DHCR24: variants seen among roughly 807,000 people sequenced by gnomAD.
The protein encoded by DHCR24 is 24-dehydrocholesterol reductase.
A neutral mutation model predicts 61.2 loss-of-function variants in DHCR24; 28 were observed. The observed-to-expected ratio is 0.46, with a 90% CI of 0.34 to 0.63. DHCR24 has a LOEUF of 0.63. Ranked by LOEUF, DHCR24 falls within the 20% of genes least tolerant of loss-of-function variation. The pLI is 0.01. For missense variants in DHCR24, 538 were observed against 679.1 expected (o/e 0.79, Z 2.31); for synonymous variants, 261 against 275.9 (o/e 0.95, Z 0.54).
chr1:54,876,862 GACA>G (rs1300176558), intron 2 of DHCR24, among the ~76,000 whole-genome samples: 2 of 151,764 alleles, frequency 1.3e-5, no homozygotes, highest in Non-Finnish European at 2.9e-5. Context: ...AGTACGTCCT[GACA>G]ACATGTGCCC....
At chr1:54,873,318 C>T (rs1043153399) in intron 4 of DHCR24, among the ~76,000 whole-genome samples, 1 of 152,114 alleles carries the variant, frequency 6.6e-6, no homozygotes, top group African/African-American at 2.4e-5. Flanking sequence ...TACTGTACTG[C>T]CAGTTGTATA....
In DHCR24 at chr1:54,854,108, C is replaced by G. The variant is rs747849919; in HGVS notation, c.1147G>C (p.Val383Leu). The change falls in exon 7 of 9, where the codon GTG becomes CTG. Residue 383 changes from valine to leucine, a missense_variant. Transcript: ENST00000371269. ...ATGGGCACCAGCATGTCCTGCACCA[C>G]GTGGTGCTGCTCGTACAGCTTGCGC... ...TLRKLYEQHH[V>L]VQDMLVPMKC... 6.2e-7 allele frequency: 1 copy of G among 1,614,096 alleles called. No homozygotes were observed. The highest frequency in any genetic ancestry group is 1.1e-5 in the South Asian group (1 of 91,078).
intron 2 of DHCR24, among the ~76,000 whole-genome samples, chr1:54,877,394 G>A (rs1647039601): frequency 6.6e-6 from 1 of 151,436 alleles, no homozygotes; most frequent in Admixed American, 6.6e-5. Context: ...TGGAATAACA[G>A]GAACCACATT....
At chr1:54,859,460 G>A (rs1646923963) in intron 6 of DHCR24, among the ~76,000 whole-genome samples, 1 of 152,018 alleles carries the variant, frequency 6.6e-6, no homozygotes, top group Non-Finnish European at 1.5e-5. Context: ...TATTTACTTT[G>A]TCTCCAACAG....
At chr1:54,879,817 A>G (rs1647055566) in intron 2 of DHCR24, among the ~76,000 whole-genome samples, 1 of 152,232 alleles carries the variant, frequency 6.6e-6, no homozygotes, top group South Asian at 2.1e-4. Flanking sequence ...TGAAATAAAA[A>G]GAAAACATAT....
chr1:54,858,271 G>A (rs1204552777), intron 6 of DHCR24, among the ~76,000 whole-genome samples: 1 of 152,248 alleles, frequency 6.6e-6, no homozygotes, highest in Non-Finnish European at 1.5e-5. Context: ...ACTGGTTGAT[G>A]GGGCAGCATT....
chr1:54,868,544 A>C (rs1190200614), intron 5 of DHCR24, among the ~76,000 whole-genome samples: 1 of 152,166 alleles, frequency 6.6e-6, no homozygotes, highest in Admixed American at 6.5e-5. Context: ...GTAATAAAAA[A>C]ATTGGAAGCA....
intron 2 of DHCR24, among the ~76,000 whole-genome samples, chr1:54,877,385 G>C (rs1381726456): frequency 6.6e-6 from 1 of 151,262 alleles, no homozygotes; most frequent in Non-Finnish European, 1.5e-5. Context: ...TAGCCGAAGT[G>C]GAATAACAGG....
intron 6 of DHCR24, among the ~76,000 whole-genome samples, chr1:54,858,818 T>C (rs1014040680): frequency 1.3e-5 from 2 of 152,140 alleles, no homozygotes; most frequent in African/African-American, 4.8e-5. Flanking sequence ...GTATTTTTAG[T>C]AGAGATGGGG....
At chr1:54,870,594 A>G (rs989301109) in intron 5 of DHCR24, among the ~76,000 whole-genome samples, 3 of 152,248 alleles carry the variant, frequency 2.0e-5, no homozygotes, top group Non-Finnish European at 4.4e-5. Flanking sequence ...TGTAAATGCT[A>G]TGTAACAGTT....
chr1:54,883,535 G>A lies in DHCR24; in HGVS notation c.387+83C>T. 1 of 1,559,680 alleles carries A rather than the reference G, an allele frequency of 6.4e-7. No homozygotes were observed. The stretch of plus-strand genomic sequence containing the variant: ...TCCTGTCCACTCTGCAATGCCCTTG[G>A]CTAAAATCATCTCCCTATGAGTCAC... On this transcript the variant is annotated intron_variant, in intron 2 of 8. Coordinates refer to ENST00000371269, the MANE Select transcript of DHCR24 (RefSeq NM_014762.4). This position sits in a 1 kb window ranked among gnomAD's most constrained non-coding sequence, Gnocchi z 4.3.
In DHCR24 at chr1:54,860,967, G is replaced by A. The variant is rs1227259677; in HGVS notation, c.1020+4336C>T. Among the ~76,000 whole-genome samples, 9 of 149,202 alleles carry A rather than the reference G, an allele frequency of 6.0e-5. No individual in the cohort carries two copies. The South Asian group carries it at 1.7e-3, about 28-fold the overall frequency. On this transcript the variant is annotated intron_variant, in intron 6 of 8. Transcript: ENST00000371269. ...CCAGCCACTGCACCCCAGCCTGGGC[G>A]ACAGAGCGAGACTTCATCTCAAAAA...
At chr1:54,880,589 ACC>A (rs1035491719) in intron 2 of DHCR24, among the ~76,000 whole-genome samples, 6 of 151,604 alleles carry the variant, frequency 4.0e-5, no homozygotes, top group African/African-American at 1.2e-4. Flanking sequence ...ATGTGGTGAA[ACC>A]CCCTCTCTAT....
At chr1:54,854,302 G>C (rs1454873878) in intron 6 of DHCR24, 68 bp from the exon 7 acceptor site, 3 of 1,368,370 alleles carry the variant, frequency 2.2e-6, no homozygotes, top group East Asian at 2.3e-5. Flanking sequence ...AAGTGCAAGG[G>C]GCCAGGGGCC....
intron 6 of DHCR24, among the ~76,000 whole-genome samples, chr1:54,861,832 C>G (rs1012543442): frequency 3.3e-5 from 5 of 152,150 alleles, no homozygotes; most frequent in African/African-American, 4.8e-5. Context: ...ATTTCCCACT[C>G]TCCGAGGGAC....
In DHCR24 at chr1:54,885,994, C is replaced by T. The variant is rs75217923; in HGVS notation, c.231+895G>A. The stretch of plus-strand genomic sequence containing the variant: ...CTTATGCCTCATGGGAACGTCTCTC[C>T]GCATCCATCTTCATGCTCTTGCCTG... On this transcript the variant is annotated intron_variant, in intron 1 of 8. Coordinates refer to ENST00000371269, the MANE Select transcript of DHCR24 (RefSeq NM_014762.4). Among the ~76,000 whole-genome samples the T allele has an allele frequency of 8.5e-3, 1,299 of 152,264 alleles. 56 individuals are homozygous for T. In the East Asian group the frequency reaches 0.12, roughly 14 times the overall value.
intron 6 of DHCR24, among the ~76,000 whole-genome samples, chr1:54,859,240 T>C (rs1646923085): frequency 6.6e-6 from 1 of 152,124 alleles, no homozygotes; most frequent in African/African-American, 2.4e-5. Flanking sequence ...TGGAAGCAGA[T>C]CTTCCAGCCC....
intron 2 of DHCR24, among the ~76,000 whole-genome samples, chr1:54,879,603 G>A (rs1647054610): frequency 6.6e-6 from 1 of 152,046 alleles, no homozygotes; most frequent in Non-Finnish European, 1.5e-5. Flanking sequence ...GGAGGGGACA[G>A]AAAAACAGAT....
intron 2 of DHCR24, among the ~76,000 whole-genome samples, chr1:54,882,518 G>A (rs680922): frequency 1 from 152,364 of 152,382 alleles, 76,173 homozygotes; most frequent in Middle Eastern, 1. Context: ...AGGAAGGCAT[G>A]TGCCCATACA....
Sources: allele counts gnomAD v4.1 joint callset (sites outside exome capture counted in the v4.1 genomes callset), GRCh38; gene constraint gnomAD v4.1.1; non-coding constraint Gnocchi (gnomAD v3.1); transcripts MANE v1.5; gene names NCBI Gene and HGNC (gene_info 2026-07-23, HGNC 2026-07-21).